FCHSD2: variants seen among roughly 807,000 people sequenced by gnomAD.
FCHSD2 encodes the protein F-BAR and double SH3 domains protein 2.
In FCHSD2, 38 loss-of-function variants were observed where a neutral mutation model predicts 108.1. The observed-to-expected ratio is 0.35, with a 90% CI of 0.27 to 0.46. FCHSD2 has a LOEUF of 0.46. FCHSD2 is among the 20% of genes least tolerant of loss of function. The probability of loss-of-function intolerance (pLI) is 1.00; values close to 1 mark genes in which losing one functional copy is unlikely to be tolerated. For missense variants in FCHSD2, 751 were observed against 897.8 expected, an observed-to-expected ratio of 0.84 and a Z score of 2.09; for synonymous variants, 279 against 314.7, an observed-to-expected ratio of 0.89 and a Z score of 1.20.
chr11:73,110,307 G>A (rs1004682195), intron 2 of FCHSD2, among the ~76,000 whole-genome samples: 3 of 152,054 alleles, frequency 2.0e-5, no homozygotes, highest in Non-Finnish European at 4.4e-5. Context: ...CTGCAGCAAA[G>A]CCATTAGGTC....
chr11:72,940,700 G>A lies in FCHSD2; in HGVS notation c.706-18750C>T, dbSNP rs112582480. The A allele has an allele frequency of 7.1e-3, 7,642 of 1,069,098 alleles. 45 individuals are homozygous for A. The highest frequency in any genetic ancestry group is 0.014 in the South Asian group (1,081 of 79,962). 66.2% of individuals were successfully genotyped at this position (1,069,098 alleles called of 1,614,324 possible). A position where few individuals can be genotyped will look rare whatever the true frequency, so the allele number is the denominator to read the frequency against. On this transcript the variant is annotated intron_variant, in intron 8 of 19. Transcript: ENST00000409418. ...ATTATATATAGGATTCATGTTCACC[G>A]TGGTGGCAGAAAACGCCCAGTTCCT...
chr11:72,870,808 G>A (rs914503298), intron 12 of FCHSD2, among the ~76,000 whole-genome samples: 4 of 145,642 alleles, frequency 2.7e-5, no homozygotes, highest in African/African-American at 7.6e-5. Flanking sequence ...GCTGAGGCAG[G>A]AGAATGGCGT....
intron 3 of FCHSD2, among the ~76,000 whole-genome samples, chr11:73,061,207 G>T (rs975977582): frequency 2.0e-5 from 3 of 152,210 alleles, no homozygotes; most frequent in African/African-American, 7.2e-5. Context: ...GAAGCACAAA[G>T]GGTCAGGGAA....
At chr11:73,090,265 G>A (rs1243278117) in intron 2 of FCHSD2, among the ~76,000 whole-genome samples, 6 of 117,116 alleles carry the variant, frequency 5.1e-5, no homozygotes, top group Admixed American at 1.2e-4. Flanking sequence ...TCGCTCTGTC[G>A]CCCAGGCTGG....
intron 14 of FCHSD2, 126 bp downstream of exon 14, chr11:72,849,629 G>C: frequency 1.4e-6 from 1 of 734,134 alleles, no homozygotes; most frequent in East Asian, 2.6e-5. Context: ...ATTCTGTTAT[G>C]TTGCCCCAAT....
At chr11:72,937,952 A>G (rs1423469549) in intron 8 of FCHSD2, among the ~76,000 whole-genome samples, 6 of 152,238 alleles carry the variant, frequency 3.9e-5, no homozygotes, top group Admixed American at 3.3e-4. Flanking sequence ...ATAATTTAAG[A>G]TAAGTGTTAT....
At chr11:72,864,411 G>A (rs1332217995) in intron 13 of FCHSD2, among the ~76,000 whole-genome samples, 9 of 152,084 alleles carry the variant, frequency 5.9e-5, no homozygotes, top group Non-Finnish European at 1.2e-4. Flanking sequence ...TGGGCATGGG[G>A]GCATGAGCCT....
chr11:73,139,221 G>A (rs1198455551), intron 2 of FCHSD2, among the ~76,000 whole-genome samples: 6 of 152,106 alleles, frequency 3.9e-5, no homozygotes, highest in African/African-American at 1.2e-4. Flanking sequence ...AAACCAACAC[G>A]AAGTTAGTGT....
chr11:72,960,161 T>C (rs1394747252), intron 8 of FCHSD2, among the ~76,000 whole-genome samples: 7 of 152,008 alleles, frequency 4.6e-5, no homozygotes, highest in African/African-American at 1.5e-4. Flanking sequence ...CTTACAGTCA[T>C]AGTGGAAGGC....
At chr11:73,128,672 TA>T (rs1452235559) in intron 2 of FCHSD2, among the ~76,000 whole-genome samples, 3 of 152,328 alleles carry the variant, frequency 2.0e-5, no homozygotes, top group African/African-American at 7.2e-5. Flanking sequence ...TATGAAAATA[TA>T]GTACTTGGAG....
At chr11:72,972,487 A>C (rs534657681) in intron 8 of FCHSD2, among the ~76,000 whole-genome samples, 1 of 152,320 alleles carries the variant, frequency 6.6e-6, no homozygotes, top group South Asian at 2.1e-4. Context: ...AGTGGGGAAA[A>C]CACACAAAGA....
intron 13 of FCHSD2, among the ~76,000 whole-genome samples, chr11:72,855,419 T>C (rs1161383795): frequency 1.3e-5 from 2 of 152,056 alleles, no homozygotes; most frequent in Non-Finnish European, 2.9e-5. Context: ...GAGGTTGCAG[T>C]GAGCCAAGAT....
intron 3 of FCHSD2, among the ~76,000 whole-genome samples, chr11:73,045,002 G>A (rs1195767428): frequency 1.8e-4 from 28 of 151,638 alleles, no homozygotes; most frequent in African/African-American, 3.9e-4. Context: ...CCTGGGAGGC[G>A]GAGGTTGCAG....
intron 8 of FCHSD2, among the ~76,000 whole-genome samples, chr11:72,951,670 C>G (rs1856622590): frequency 6.6e-6 from 1 of 152,150 alleles, no homozygotes; most frequent in South Asian, 2.1e-4. Flanking sequence ...TTATCTTTAA[C>G]AAACCTATAA....
intron 7 of FCHSD2, 64 bp from the exon 8 acceptor site, chr11:72,984,280 T>A: frequency 6.6e-7 from 1 of 1,519,010 alleles, no homozygotes. Flanking sequence ...CACATAGGAA[T>A]CCTACTCTTA....
chr11:72,943,958 C>G (rs933472088), intron 8 of FCHSD2, among the ~76,000 whole-genome samples: 4 of 152,130 alleles, frequency 2.6e-5, no homozygotes, highest in African/African-American at 9.7e-5. Context: ...ACTTTAACTT[C>G]TATTGCATGA....
chr11:72,846,103 C>A (rs946536548), intron 14 of FCHSD2, among the ~76,000 whole-genome samples: 1 of 149,806 alleles, frequency 6.7e-6, no homozygotes, highest in Admixed American at 6.6e-5. Flanking sequence ...TAAGTAGTTA[C>A]GATTACTTTT....
chr11:73,087,692 G>T (rs1035088718), intron 2 of FCHSD2, among the ~76,000 whole-genome samples: 1 of 150,386 alleles, frequency 6.6e-6, no homozygotes, highest in East Asian at 1.9e-4. Context: ...GCAACAGAGC[G>T]AGGCTTTGTC....
At chr11:73,140,721 T>C (rs1252243437) in intron 1 of FCHSD2, among the ~76,000 whole-genome samples, 1 of 152,252 alleles carries the variant, frequency 6.6e-6, no homozygotes, top group African/African-American at 2.4e-5. Context: ...TTCCAGCATA[T>C]GCAGTGCTTT....
Sources: gnomAD v4.1 joint callset for allele counts (sites outside exome capture counted in the v4.1 genomes callset) on GRCh38, gnomAD v4.1.1 for gene constraint, MANE v1.5 for transcripts, NCBI Gene and HGNC (gene_info 2026-07-23, HGNC 2026-07-21) for gene names.